The following FNDC3B variants were observed in gnomAD, a reference collection of about 807,000 sequenced individuals.
FNDC3B encodes fibronectin type III domain-containing protein 3B.
A neutral mutation model predicts 151.5 loss-of-function variants in FNDC3B; 12 were observed. The ratio of observed to expected loss-of-function variants is 0.08; its 90% CI spans 0.05 to 0.13. The LOEUF is 0.13. FNDC3B is among the 10% of genes least tolerant of loss of function. The pLI, the probability that FNDC3B is intolerant of heterozygous loss-of-function variation, is 1.00. For missense variants in FNDC3B, 1,214 were observed against 1,505.3 expected (o/e 0.81, Z 3.20); for synonymous variants, 528 against 549.0 (o/e 0.96, Z 0.54).
At position 172,307,385 on chromosome 3, in the gene FNDC3B, G is replaced by A. The variant is rs531768294; in HGVS notation, c.1084G>A (p.Val362Ile). 69 of 1,614,056 alleles carry A rather than the reference G, an allele frequency of 4.3e-5. 2 individuals carry two copies. Among genetic ancestry groups the A allele is most frequent in the South Asian group, 3.7e-4 (34 of 91,080 alleles). Reference sequence around the variant, plus strand: ...CAGGGTGTATGCCATGTACAATTCCGTAAAGGGATCCTGCTCCGAGCCTGT... The same window carrying A: ...CAGGGTGTATGCCATGTACAATTCCATAAAGGGATCCTGCTCCGAGCCTGT... ...HVRVYAMYNSVKGSCSEPVSF... is the reference protein window; with the variant it reads ...HVRVYAMYNSIKGSCSEPVSF... The change falls in exon 10 of 26, where the codon GTA (valine) becomes ATA (isoleucine). Residue 362 changes from valine (V) to isoleucine (I), a missense_variant. Val to Ile is a conservative substitution (Grantham distance 29). This residue lies in a region of FNDC3B where 156 missense variants were observed against 225.3 expected (regional missense o/e 0.69). Coordinates refer to ENST00000415807, the MANE Select transcript of FNDC3B (RefSeq NM_022763.4).
chr3:172,188,719 TTTAA>T (rs1157683173), intron 3 of FNDC3B, among the ~76,000 whole-genome samples: 1 of 152,162 alleles, frequency 6.6e-6, no homozygotes, highest in Admixed American at 6.5e-5. Context: ...ACTGAAGTTG[TTTAA>T]TTGAGAAGTT....
intron 11 of FNDC3B, among the ~76,000 whole-genome samples, chr3:172,326,438 A>C (rs1051558942): frequency 2.6e-5 from 4 of 152,204 alleles, no homozygotes; most frequent in Non-Finnish European, 4.4e-5. Flanking sequence ...AAAATTCGGC[A>C]TGCTTTGTCT....
At chr3:172,382,433 A>T (rs932754039) in intron 25 of FNDC3B, among the ~76,000 whole-genome samples, 6 of 152,128 alleles carry the variant, frequency 3.9e-5, no homozygotes, top group African/African-American at 9.7e-5. Flanking sequence ...GTTCACTCTG[A>T]TGATAGTTTC....
rs571625952 is a variant in FNDC3B at position 172,342,931 on chromosome 3, G to A, written c.1972-80G>A. The stretch of plus-strand genomic sequence containing the variant: ...TTTTCGGTAACATTTGCAGTTATGG[G>A]GTGGAATTTGCCTGATATGTAGAGG... On this transcript the variant is annotated intron_variant, in intron 17 of 25. Transcript: ENST00000415807. 6.2e-6 allele frequency: 5 copies of A among 808,398 alleles called. No homozygotes were observed. The East Asian group carries it at 7.4e-5, about 12-fold the overall frequency. The allele number at this position is 808,398 out of a possible 1,614,324, so 50.1% of individuals were successfully genotyped here.
intron 1 of FNDC3B, among the ~76,000 whole-genome samples, chr3:172,081,424 T>C (rs1718275109): frequency 6.6e-6 from 1 of 152,210 alleles, no homozygotes; most frequent in Admixed American, 6.5e-5. Context: ...GCTAATATTG[T>C]GATTTTCCAT....
At position 172,109,711 on chromosome 3, in the gene FNDC3B, T is replaced by C. The variant is rs577457567; in HGVS notation, c.-28-2741T>C. On this transcript the variant is annotated intron_variant, in intron 1 of 25. Coordinates refer to ENST00000415807, the MANE Select transcript of FNDC3B (RefSeq NM_022763.4). ...ATACAGCCTCCCTGTCTCCCCTTCC[T>C]CCATCCCTTCCCAGTCATTTCTAGT... Among the ~76,000 whole-genome samples the C allele has an allele frequency of 3.9e-5, 6 of 152,318 alleles. No homozygotes were observed. The South Asian group carries it at 1.0e-3, about 26-fold the overall frequency.
At chr3:172,382,471 A>C (rs961130139) in intron 25 of FNDC3B, among the ~76,000 whole-genome samples, 1 of 152,142 alleles carries the variant, frequency 6.6e-6, no homozygotes, top group Non-Finnish European at 1.5e-5. Context: ...CTTTAGTTTA[A>C]TTAGATCCCA....
Position 172,275,689 on chromosome 3 carries a change from G to T in FNDC3B, c.791-10237G>T, listed in dbSNP as rs551720218. 2.0e-5 allele frequency among the ~76,000 whole-genome samples: 3 copies of T among 152,192 alleles called. No homozygotes were observed. In the East Asian group the frequency reaches 5.8e-4, roughly 29 times the overall value. On this transcript the variant is annotated intron_variant, in intron 6 of 25. Coordinates refer to ENST00000415807, the MANE Select transcript of FNDC3B (RefSeq NM_022763.4). Reference sequence around the variant, plus strand: ...CAACCTCTTGCAAGTAGCATTTTCCGTATAGACATTTCTTGCCTGCTGGCC... The same window carrying T: ...CAACCTCTTGCAAGTAGCATTTTCCTTATAGACATTTCTTGCCTGCTGGCC...
At chr3:172,090,246 C>A (rs1270667300) in intron 1 of FNDC3B, among the ~76,000 whole-genome samples, 2 of 152,074 alleles carry the variant, frequency 1.3e-5, no homozygotes, top group Non-Finnish European at 2.9e-5. Context: ...TTTTTTCTAA[C>A]CAGTGGATGG....
intron 16 of FNDC3B, among the ~76,000 whole-genome samples, chr3:172,339,288 G>A (rs986638082): frequency 6.6e-6 from 1 of 151,948 alleles, no homozygotes; most frequent in Admixed American, 6.6e-5. Flanking sequence ...GAACTGCTGG[G>A]CATGGTGGCT....
intron 5 of FNDC3B, 130 bp downstream of exon 5, chr3:172,247,906 G>A: frequency 1.0e-6 from 1 of 995,200 alleles, no homozygotes. Context: ...TAAGACTCAT[G>A]GGGAATTCCT....
chr3:172,209,894 G>A (rs1725642441), intron 3 of FNDC3B, among the ~76,000 whole-genome samples: 1 of 152,270 alleles, frequency 6.6e-6, no homozygotes, highest in Admixed American at 6.5e-5. Flanking sequence ...ACGTCTGGAG[G>A]GAGTCCAGGC....
chr3:172,098,031 T>TC (rs1719177826), intron 1 of FNDC3B, among the ~76,000 whole-genome samples: 1 of 151,978 alleles, frequency 6.6e-6, no homozygotes, highest in Non-Finnish European at 1.5e-5. Flanking sequence ...TTTTTTTTTT[T>TC]AAGAAATGAG....
intron 1 of FNDC3B, among the ~76,000 whole-genome samples, chr3:172,074,157 G>T (rs1009160534): frequency 2.6e-5 from 4 of 152,234 alleles, no homozygotes; most frequent in African/African-American, 9.6e-5. Flanking sequence ...TTGAAAGGCT[G>T]CTTCTAGCCT....
At chr3:172,296,038 C>G (rs1730585997) in intron 8 of FNDC3B, among the ~76,000 whole-genome samples, 1 of 152,164 alleles carries the variant, frequency 6.6e-6, no homozygotes, top group African/African-American at 2.4e-5. Flanking sequence ...GGATTAGCCC[C>G]TTCTGCTCTG....
chr3:172,059,210 A>G (rs561750568), intron 1 of FNDC3B, among the ~76,000 whole-genome samples: 6 of 152,224 alleles, frequency 3.9e-5, no homozygotes, highest in Non-Finnish European at 8.8e-5. Context: ...AGCACGTAAC[A>G]TAATACATAT....
intron 22 of FNDC3B, among the ~76,000 whole-genome samples, chr3:172,354,603 AG>A (rs1734001921): frequency 6.6e-6 from 1 of 151,914 alleles, no homozygotes; most frequent in African/African-American, 2.4e-5. Context: ...TAGTATTAAT[AG>A]AACTCTGGTC....
At chr3:172,291,884 C>CAT (rs924806671) in intron 7 of FNDC3B, among the ~76,000 whole-genome samples, 1 of 152,140 alleles carries the variant, frequency 6.6e-6, no homozygotes, top group African/African-American at 2.4e-5. Flanking sequence ...ATGTGAAGGT[C>CAT]ATATATGAGT....
chr3:172,181,409 AAAAAAC>A (rs1278911495), intron 3 of FNDC3B, among the ~76,000 whole-genome samples: 15 of 145,020 alleles, frequency 1.0e-4, no homozygotes, highest in African/African-American at 3.8e-4. Flanking sequence ...AAAAAAAAAA[AAAAAAC>A]AAAAAAAAAC....
Sources: gnomAD v4.1 joint callset for allele counts (sites outside exome capture counted in the v4.1 genomes callset) on GRCh38, gnomAD v4.1.1 for gene constraint, gnomAD v4.1.1 regional missense constraint, MANE v1.5 for transcripts, NCBI Gene and HGNC (gene_info 2026-07-23, HGNC 2026-07-21) for gene names.